Variants in TPRG1 observed in about 807,000 individuals in gnomAD.
The protein encoded by TPRG1 is tumor protein p63-regulated gene 1 protein.
In TPRG1, 29 loss-of-function variants were observed where a neutral mutation model predicts 29.3. That is an observed-to-expected ratio of 0.99 (90% CI 0.74 to 1.35). TPRG1 has a LOEUF of 1.35. Ranked by LOEUF, TPRG1 falls within the 40% of genes most tolerant of loss-of-function variation. TPRG1 has a pLI of 0.00. For synonymous variants in TPRG1, 130 were observed against 116.8 expected, an observed-to-expected ratio of 1.11 and a Z score of -0.73; for missense variants, 327 against 335.0, an observed-to-expected ratio of 0.98 and a Z score of 0.19.
chr3:189,179,676 CCT>C (rs1033343021), intron 1 of TPRG1, among the ~76,000 whole-genome samples: 2 of 152,208 alleles, frequency 1.3e-5, no homozygotes, highest in African/African-American at 2.4e-5. Context: ...CTACTCTCCA[CCT>C]CTCTGTTTTC....
intron 4 of TPRG1, among the ~76,000 whole-genome samples, chr3:189,062,439 A>G (rs961726983): frequency 1.3e-5 from 2 of 152,162 alleles, no homozygotes; most frequent in African/African-American, 2.4e-5. Flanking sequence ...AACCTAAAAT[A>G]AAACTTTAAA....
chr3:189,238,489 G>A (rs1185291752), intron 3 of TPRG1, among the ~76,000 whole-genome samples: 2 of 152,158 alleles, frequency 1.3e-5, no homozygotes, highest in African/African-American at 4.8e-5. Flanking sequence ...TCCATCGTGG[G>A]TAATCAACTA....
At chr3:189,267,756 A>G (rs1714367284) in intron 4 of TPRG1, 1 of 152,192 alleles carries the variant, frequency 6.6e-6, no homozygotes, top group Admixed American at 6.5e-5. Flanking sequence ...ATTTTGATTG[A>G]CCAACTGACA....
intron 3 of TPRG1, among the ~76,000 whole-genome samples, chr3:189,233,897 G>T (rs933955247): frequency 6.6e-6 from 1 of 152,070 alleles, no homozygotes; most frequent in Non-Finnish European, 1.5e-5. Flanking sequence ...AGGAGACAGG[G>T]TCTCATTTTG....
In TPRG1 at chr3:189,324,518, T is replaced by A. The variant is rs1342196579; in HGVS notation, c.*3698T>A. ...TTTCCAGAAATTGCCATCATTTTCTTAAAGGCTAAGGACACTTATAGAGCT... is the reference window on the plus strand; with the variant it reads ...TTTCCAGAAATTGCCATCATTTTCTAAAAGGCTAAGGACACTTATAGAGCT... On this transcript the variant is annotated 3_prime_UTR_variant, in exon 6 of 6. Transcript: ENST00000345063. 6.6e-6 allele frequency: 1 copy of A among 152,120 alleles called. No individual in the cohort carries two copies. The highest frequency in any genetic ancestry group is 2.4e-5 in the African/African-American group (1 of 41,430). 9.4% of individuals were successfully genotyped at this position (152,120 alleles called of 1,614,324 possible).
chr3:189,149,177 G>A (rs1367806813), intron 4 of TPRG1, among the ~76,000 whole-genome samples: 3 of 152,134 alleles, frequency 2.0e-5, no homozygotes, highest in Non-Finnish European at 2.9e-5. Context: ...CCTGGTCCCT[G>A]GCCCCTAGCT....
At chr3:189,253,071 G>A (rs1267623490) in intron 4 of TPRG1, among the ~76,000 whole-genome samples, 1 of 151,870 alleles carries the variant, frequency 6.6e-6, no homozygotes, top group Non-Finnish European at 1.5e-5. Context: ...TATACTTTAA[G>A]TTCTGGGATA....
rs1244992880 is a variant in TPRG1 at position 189,007,962 on chromosome 3, G to A, written c.-660+3202G>A. 6.0e-5 allele frequency among the ~76,000 whole-genome samples: 9 copies of A among 149,366 alleles called. No homozygotes were observed. In the South Asian group the frequency reaches 8.6e-4, roughly 14 times the overall value. On this transcript the variant is annotated intron_variant, in intron 3 of 10. Coordinates refer to the TPRG1 transcript ENST00000433971. ...ACCTAATGCTAGATGACGAGTTAGC[G>A]GGTGCAGCGCACCAGCATGGCACAT... is the stretch of plus-strand genomic sequence containing the variant.
At chr3:189,033,587 CT>C (rs376228279) in intron 4 of TPRG1, among the ~76,000 whole-genome samples, 284 of 144,534 alleles carry the variant, frequency 2.0e-3, no homozygotes, top group African/African-American at 2.3e-3. Context: ...TCTTCTACTC[CT>C]TTTTTTTTTT....
chr3:189,312,769 G>A (rs1318597919), intron 5 of TPRG1, among the ~76,000 whole-genome samples: 1 of 152,160 alleles, frequency 6.6e-6, no homozygotes, highest in Non-Finnish European at 1.5e-5. Context: ...AGAGGGTATG[G>A]AATATTATTT....
At chr3:189,191,169 G>A (rs765005086) in intron 1 of TPRG1, among the ~76,000 whole-genome samples, 8 of 151,986 alleles carry the variant, frequency 5.3e-5, no homozygotes, top group Non-Finnish European at 7.4e-5. Context: ...TATCTTTATT[G>A]TTTTGTTTTC....
intron 4 of TPRG1, among the ~76,000 whole-genome samples, chr3:189,264,653 T>C (rs1713739531): frequency 6.6e-6 from 1 of 152,146 alleles, no homozygotes; most frequent in Non-Finnish European, 1.5e-5. Context: ...TCCAATGAAG[T>C]GTTCATTTCA....
intron 4 of TPRG1, among the ~76,000 whole-genome samples, chr3:189,055,075 A>G (rs1044234157): frequency 3.9e-5 from 6 of 152,216 alleles, no homozygotes; most frequent in African/African-American, 1.4e-4. Flanking sequence ...AATGCTACCT[A>G]GTATTTAGTT....
chr3:189,138,844 C>T (rs776023421), intron 3 of TPRG1, among the ~76,000 whole-genome samples: 2 of 152,162 alleles, frequency 1.3e-5, no homozygotes, highest in South Asian at 2.1e-4. Context: ...AGTGTTCTAG[C>T]TTCCCTAGGG....
chr3:189,175,740 A>G (rs1054572653), intron 1 of TPRG1, among the ~76,000 whole-genome samples: 1 of 152,244 alleles, frequency 6.6e-6, no homozygotes, highest in Non-Finnish European at 1.5e-5. Flanking sequence ...AAAGATGGAT[A>G]AAAATATTTT....
At chr3:189,192,784 C>T (rs1652567654) in intron 1 of TPRG1, among the ~76,000 whole-genome samples, 1 of 152,028 alleles carries the variant, frequency 6.6e-6, no homozygotes, top group South Asian at 2.1e-4. Context: ...GAATTTCAAA[C>T]TTTTGATGTT....
intron 4 of TPRG1, among the ~76,000 whole-genome samples, chr3:189,149,073 T>C (rs1488540848): frequency 6.6e-6 from 1 of 152,222 alleles, no homozygotes; most frequent in Non-Finnish European, 1.5e-5. Context: ...AAGTAGGTTC[T>C]AGATCTTTTT....
chr3:189,266,219 G>GA (rs1410799045), intron 4 of TPRG1, among the ~76,000 whole-genome samples: 1 of 152,210 alleles, frequency 6.6e-6, no homozygotes, highest in Admixed American at 6.5e-5. Flanking sequence ...CCAAACTGGT[G>GA]ACTGCCATAG....
intron 3 of TPRG1, chr3:189,219,454 T>C (rs776812686): frequency 8.1e-6 from 4 of 495,376 alleles, no homozygotes; most frequent in African/African-American, 2.1e-5. Flanking sequence ...TATACATCTA[T>C]AAAGACAGGA....
Sources: gnomAD v4.1 joint callset for allele counts (sites outside exome capture counted in the v4.1 genomes callset) on GRCh38, gnomAD v4.1.1 for gene constraint, MANE v1.5 for transcripts, NCBI Gene and HGNC (gene_info 2026-07-23, HGNC 2026-07-21) for gene names.